The following HIVEP3 variants were observed in gnomAD, a reference collection of about 807,000 sequenced individuals.
HIVEP3 encodes transcription factor HIVEP3.
A neutral mutation model predicts 152.8 loss-of-function variants in HIVEP3; 49 were observed. That is an observed-to-expected ratio of 0.32 (90% CI 0.26 to 0.41). The LOEUF is 0.41. HIVEP3 is among the 10% of genes least tolerant of loss of function. The pLI, the probability that HIVEP3 is intolerant of heterozygous loss-of-function variation, is 1.00. For missense variants in HIVEP3, 2,790 were observed against 3,103.3 expected (o/e 0.90, Z 2.40); for synonymous variants, 1,269 against 1,289.0 (o/e 0.98, Z 0.33).
chr1:41,522,223 C>G (rs537099923), intron 6 of HIVEP3, among the ~76,000 whole-genome samples: 1 of 152,300 alleles, frequency 6.6e-6, no homozygotes, highest in South Asian at 2.1e-4. Flanking sequence ...CAGCACTCCA[C>G]AAAGACACCT....
At chr1:41,884,454 C>T (rs927301856) in intron 1 of HIVEP3, among the ~76,000 whole-genome samples, 2 of 152,188 alleles carry the variant, frequency 1.3e-5, no homozygotes, top group Non-Finnish European at 2.9e-5. Context: ...CTAACCATCC[C>T]GGGATTGCAG....
intron 2 of HIVEP3, among the ~76,000 whole-genome samples, chr1:41,658,137 G>A (rs569905645): frequency 2.6e-4 from 40 of 152,314 alleles, no homozygotes; most frequent in Non-Finnish European, 4.9e-4. Flanking sequence ...TGGAAGGTTC[G>A]AAAATGTTTC....
At chr1:41,568,032 A>G (rs977309211) in intron 5 of HIVEP3, among the ~76,000 whole-genome samples, 1 of 152,186 alleles carries the variant, frequency 6.6e-6, no homozygotes, top group Non-Finnish European at 1.5e-5. Context: ...AGCACATTGG[A>G]GGAAGATTCC....
At chr1:41,738,221 T>C (rs914569827) in intron 1 of HIVEP3, among the ~76,000 whole-genome samples, 6 of 152,128 alleles carry the variant, frequency 3.9e-5, no homozygotes, top group African/African-American at 9.7e-5. Context: ...CAGAGACATA[T>C]AGACAAGCAG....
chr1:41,877,523 C>T (rs970711438), intron 1 of HIVEP3, among the ~76,000 whole-genome samples: 1 of 152,156 alleles, frequency 6.6e-6, no homozygotes, highest in African/African-American at 2.4e-5. Context: ...CAGAGTCACT[C>T]CTGTTGGATT....
At position 41,524,789 on chromosome 1, in the gene HIVEP3, T is replaced by C. The variant is rs752297798; in HGVS notation, c.5329A>G (p.Thr1777Ala). The change falls in exon 6 of 9, where the codon ACT (threonine) becomes GCT (alanine). Residue 1777 changes from threonine (T) to alanine (A), a missense_variant. Thr to Ala is a moderately conservative substitution (Grantham distance 58). Transcript: ENST00000372583. ...SMLKKHIRTH[T>A]DVRPYVCKHC... ...TTGCACACATAGGGCCGGACGTCAG[T>C]GTGGGTGCGGATGTGTTTCTTCAGC... 1.2e-6 allele frequency: 2 copies of C among 1,614,184 alleles called. No homozygotes were observed. The highest frequency in any genetic ancestry group is 1.7e-6 in the Non-Finnish European group (2 of 1,180,034).
intron 1 of HIVEP3, chr1:41,849,159 A>T (rs1643524936): frequency 6.6e-6 from 1 of 152,184 alleles, no homozygotes; most frequent in Non-Finnish European, 1.5e-5. Flanking sequence ...ACCTCATTCT[A>T]GTTCACGAGT....
At chr1:41,755,594 C>A in intron 1 of HIVEP3, among the ~76,000 whole-genome samples, 1 of 127,066 alleles carries the variant, frequency 7.9e-6, no homozygotes, top group African/African-American at 2.7e-5. Flanking sequence ...AAAGAACTCT[C>A]AAAACACAGC....
chr1:41,776,772 C>T (rs1648730072), intron 1 of HIVEP3, among the ~76,000 whole-genome samples: 1 of 152,232 alleles, frequency 6.6e-6, no homozygotes. Context: ...TGAAAACAGG[C>T]ACTCTCTCTG....
At chr1:41,658,612 G>A (rs1262195359) in intron 2 of HIVEP3, among the ~76,000 whole-genome samples, 1 of 152,228 alleles carries the variant, frequency 6.6e-6, no homozygotes, top group Non-Finnish European at 1.5e-5. Context: ...GTTCTCCTGT[G>A]ATCCTGCTCT....
intron 1 of HIVEP3, among the ~76,000 whole-genome samples, chr1:41,824,906 T>C (rs1375117053): frequency 6.6e-6 from 1 of 151,186 alleles, no homozygotes; most frequent in African/African-American, 2.4e-5. Context: ...GGAGTTTTGC[T>C]CTTGTTGCAC....
rs138418186 is a variant in HIVEP3, at chr1:41,943,597, T to C, written n.120-25073A>G. Among the ~76,000 whole-genome samples the C allele has an allele frequency of 8.6e-3, 1,315 of 152,302 alleles. 7 individuals are homozygous for C. Among genetic ancestry groups the C allele is most frequent in the Non-Finnish European group, 0.014 (979 of 68,022 alleles). On this transcript the variant is annotated intron_variant and non_coding_transcript_variant, in intron 1 of 3. Coordinates refer to the HIVEP3 transcript ENST00000489103. ...ACACACAGACAAACTATTAACATTATCTGTGTGCCTAATTTATTTTGCCAG... is the reference window on the plus strand; with the variant it reads ...ACACACAGACAAACTATTAACATTACCTGTGTGCCTAATTTATTTTGCCAG...
chr1:41,693,381 A>T (rs946342357), intron 2 of HIVEP3, among the ~76,000 whole-genome samples: 6 of 152,140 alleles, frequency 3.9e-5, no homozygotes, highest in Non-Finnish European at 8.8e-5. Context: ...CCCAAAGGAC[A>T]CTTTGATTGT....
intron 1 of HIVEP3, among the ~76,000 whole-genome samples, chr1:41,812,776 G>A (rs1651041910): frequency 1.3e-5 from 2 of 151,592 alleles, no homozygotes; most frequent in African/African-American, 4.9e-5. Context: ...GAAAAACAGA[G>A]TGTCCCCTTC....
intron 1 of HIVEP3, among the ~76,000 whole-genome samples, chr1:41,899,688 C>G (rs1644589639): frequency 6.6e-6 from 1 of 152,194 alleles, no homozygotes; most frequent in African/African-American, 2.4e-5. Context: ...CTGCCATGAG[C>G]TTAATAAGCA....
chr1:41,704,558 C>A (rs1646407255), intron 1 of HIVEP3, among the ~76,000 whole-genome samples: 1 of 152,222 alleles, frequency 6.6e-6, no homozygotes, highest in South Asian at 2.1e-4. Context: ...CACTAAGACC[C>A]CAAGGCTGGC....
chr1:41,753,326 C>T (rs1647194924), intron 1 of HIVEP3, among the ~76,000 whole-genome samples: 1 of 152,066 alleles, frequency 6.6e-6, no homozygotes, highest in South Asian at 2.1e-4. Flanking sequence ...ATGAGTAATT[C>T]ACTCCAAGGA....
chr1:41,656,106 G>T (rs571983944), intron 2 of HIVEP3, among the ~76,000 whole-genome samples: 1 of 152,124 alleles, frequency 6.6e-6, no homozygotes, highest in Non-Finnish European at 1.5e-5. Context: ...CCCATGAGTG[G>T]CTCTGCCAAT....
At chr1:41,727,195 T>C (rs538075224) in intron 1 of HIVEP3, among the ~76,000 whole-genome samples, 1 of 152,320 alleles carries the variant, frequency 6.6e-6, no homozygotes, top group Admixed American at 6.5e-5. Flanking sequence ...TCTCCTTCTC[T>C]CCTCACACTC....
Sources: allele counts gnomAD v4.1 joint callset (sites outside exome capture counted in the v4.1 genomes callset), GRCh38; gene constraint gnomAD v4.1.1; transcripts MANE v1.5; gene names NCBI Gene and HGNC (gene_info 2026-07-23, HGNC 2026-07-21).